The following VWA8 variants were observed in gnomAD, a reference collection of about 807,000 sequenced individuals.
The protein encoded by VWA8 is von Willebrand factor A domain-containing protein 8.
In VWA8, 221 loss-of-function variants were observed where a neutral mutation model predicts 241.5. That is an observed-to-expected ratio of 0.91 (90% CI 0.82 to 1.02). The LOEUF (loss-of-function observed/expected upper bound fraction) is 1.02. VWA8 is among the 50% of genes least tolerant of loss of function. The pLI is 0.00. For synonymous variants in VWA8, 852 were observed against 827.1 expected, an observed-to-expected ratio of 1.03 and a Z score of -0.52; for missense variants, 2,322 against 2,328.7, an observed-to-expected ratio of 1.00 and a Z score of 0.06.
At chr13:41,778,209 TAAGTA>T (rs1400845451) in intron 19 of VWA8, among the ~76,000 whole-genome samples, 153 bp from the exon 20 acceptor site, 1 of 152,160 alleles carries the variant, frequency 6.6e-6, no homozygotes, top group Non-Finnish European at 1.5e-5. Context: ...TCTGTGGTTA[TAAGTA>T]AATTATATAA....
chr13:41,637,639 T>C (rs2044768152), intron 37 of VWA8, among the ~76,000 whole-genome samples: 1 of 151,994 alleles, frequency 6.6e-6, no homozygotes, highest in Admixed American at 6.5e-5. Flanking sequence ...GTGTTTAGCA[T>C]TGTGTTACCG....
chr13:41,816,484 T>C (rs771309892), intron 16 of VWA8, among the ~76,000 whole-genome samples: 2 of 152,144 alleles, frequency 1.3e-5, no homozygotes, highest in Non-Finnish European at 2.9e-5. Context: ...GAGCTACAAG[T>C]TTCTTTCTAT....
At chr13:41,821,353 A>AT (rs1216954004) in intron 14 of VWA8, among the ~76,000 whole-genome samples, 1 of 152,212 alleles carries the variant, frequency 6.6e-6, no homozygotes, top group East Asian at 1.9e-4. Context: ...GAACTACTGA[A>AT]TAACAGGATG....
chr13:41,944,108 A>AAATAATAAT (rs3074010), intron 2 of VWA8, among the ~76,000 whole-genome samples: 132 of 146,544 alleles, frequency 9.0e-4, no homozygotes, highest in African/African-American at 2.2e-3. Flanking sequence ...CTGTCTCAAA[A>AAATAATAAT]AATAATAATA....
intron 1 of VWA8, among the ~76,000 whole-genome samples, chr13:41,957,097 T>A (rs1878382035): frequency 6.6e-6 from 1 of 152,094 alleles, no homozygotes; most frequent in Non-Finnish European, 1.5e-5. Flanking sequence ...AAAAATTAGC[T>A]GGGGTGGCTC....
At chr13:41,598,430 A>G (rs919369070) in intron 40 of VWA8, among the ~76,000 whole-genome samples, 1 of 152,118 alleles carries the variant, frequency 6.6e-6, no homozygotes, top group Non-Finnish European at 1.5e-5. Flanking sequence ...TTTTTAAAAA[A>G]TATATTTACC....
chr13:41,949,363 A>G (rs1878015259), intron 2 of VWA8, among the ~76,000 whole-genome samples: 1 of 152,100 alleles, frequency 6.6e-6, no homozygotes, highest in Non-Finnish European at 1.5e-5. Context: ...TTCTCAGAAA[A>G]CTAACACAGG....
intron 2 of VWA8, among the ~76,000 whole-genome samples, chr13:41,916,215 C>G (rs937465825): frequency 6.6e-6 from 1 of 152,128 alleles, no homozygotes; most frequent in Non-Finnish European, 1.5e-5. Context: ...ACTCATTACT[C>G]CCATTTTACA....
At chr13:41,743,680 TA>T (rs2045584295) in intron 21 of VWA8, among the ~76,000 whole-genome samples, 1 of 152,220 alleles carries the variant, frequency 6.6e-6, no homozygotes, top group Non-Finnish European at 1.5e-5. Context: ...CATTACCCTT[TA>T]AAAATATTTA....
In VWA8 at chr13:41,721,583, A is replaced by G. The variant is rs2045392357; in HGVS notation, c.2759-8T>C. The G allele has an allele frequency of 6.2e-7, 1 of 1,603,686 alleles. No homozygotes were observed. The highest frequency in any genetic ancestry group is 1.7e-5 in the Admixed American group (1 of 58,002). On this transcript the variant is annotated splice_region_variant and splice_polypyrimidine_tract_variant and intron_variant, in intron 24 of 44. Transcript: ENST00000379310. ...GGCAGCTAAAAATATCACCTAAAGG[A>G]GAGAAAAGATTCACATTCAGTATGC...
intron 37 of VWA8, among the ~76,000 whole-genome samples, chr13:41,630,541 C>T (rs916371397): frequency 6.6e-6 from 1 of 152,000 alleles, no homozygotes; most frequent in Admixed American, 6.6e-5. Flanking sequence ...AGCCACTCCC[C>T]CTCCCCTTCT....
intron 37 of VWA8, among the ~76,000 whole-genome samples, chr13:41,619,972 A>G (rs1185888761): frequency 6.6e-6 from 1 of 152,152 alleles, no homozygotes; most frequent in African/African-American, 2.4e-5. Flanking sequence ...TATCAGGATG[A>G]TGCTGGCCTC....
chr13:41,590,782 T>TAC lies in VWA8; in HGVS notation c.4987-19_4987-18dup. 1.2e-6 allele frequency: 2 copies of TAC among 1,613,360 alleles called. No homozygotes were observed. The highest frequency in any genetic ancestry group is 1.7e-6 in the Non-Finnish European group (2 of 1,179,518). On this transcript the variant is annotated splice_polypyrimidine_tract_variant and intron_variant, in intron 40 of 44. Transcript: ENST00000379310. ...ACCTTTAGCCTACAAAAGACACACA[T>TAC]ACACACACAAAGCCTTAATTAGTTA...
chr13:41,874,356 A>C (rs1301989178), intron 9 of VWA8, among the ~76,000 whole-genome samples: 1 of 151,950 alleles, frequency 6.6e-6, no homozygotes, highest in African/African-American at 2.4e-5. Flanking sequence ...AGGAGAAGGA[A>C]ATAAAGGGTA....
chr13:41,831,988 T>C (rs1475535951), intron 13 of VWA8, among the ~76,000 whole-genome samples: 2 of 150,864 alleles, frequency 1.3e-5, no homozygotes, highest in South Asian at 2.1e-4. Context: ...TGGAGTGCAG[T>C]GGCGCCATCT....
chr13:41,634,274 T>G (rs1407782302), intron 37 of VWA8, among the ~76,000 whole-genome samples: 1 of 152,188 alleles, frequency 6.6e-6, no homozygotes, highest in Non-Finnish European at 1.5e-5. Context: ...TGCATTATTA[T>G]AATTCTTCAT....
chr13:41,670,798 CT>C (rs930672807), intron 37 of VWA8, 147 bp downstream of exon 37: 8 of 919,844 alleles, frequency 8.7e-6, no homozygotes, highest in Non-Finnish European at 1.1e-5. Flanking sequence ...TTGTTTTTGT[CT>C]TTTTATTTTG....
intron 10 of VWA8, among the ~76,000 whole-genome samples, chr13:41,868,001 C>T (rs1873392032): frequency 6.6e-6 from 1 of 152,152 alleles, no homozygotes; most frequent in Non-Finnish European, 1.5e-5. Context: ...TTTCACATAG[C>T]TAAGAAAGAT....
intron 21 of VWA8, among the ~76,000 whole-genome samples, chr13:41,749,533 C>T (rs2045637323): frequency 6.6e-6 from 1 of 152,128 alleles, no homozygotes; most frequent in African/African-American, 2.4e-5. Context: ...ATAAATCATG[C>T]TGTTATAAAG....
Sources: allele counts gnomAD v4.1 joint callset (sites outside exome capture counted in the v4.1 genomes callset), GRCh38; gene constraint gnomAD v4.1.1; transcripts MANE v1.5; gene names NCBI Gene and HGNC (gene_info 2026-07-23, HGNC 2026-07-21).